PIEZO2: variants seen among roughly 807,000 people sequenced by gnomAD.
The protein encoded by PIEZO2 is piezo type mechanosensitive ion channel component 2.
PIEZO2 carries 172 observed loss-of-function variants against 337.3 expected under a neutral mutation model. The ratio of observed to expected loss-of-function variants is 0.51; its 90% confidence interval spans 0.45 to 0.58. The LOEUF is 0.58. Among genes scored for constraint, PIEZO2 ranks in the 20% least tolerant of loss-of-function variants. The pLI, the probability that PIEZO2 is intolerant of heterozygous loss-of-function variation, is 0.00. For synonymous variants in PIEZO2, 1,251 were observed against 1,228.5 expected (o/e 1.02, Z -0.38); for missense variants, 3,028 against 3,391.3 (o/e 0.89, Z 2.66).
At position 11,126,589 on chromosome 18, in the gene PIEZO2, T is replaced by G. The variant is rs2040190198; in HGVS notation, c.64+21936A>C. Among the ~76,000 whole-genome samples, 1 of 151,954 alleles carries G rather than the reference T, an allele frequency of 6.6e-6. No homozygotes were observed. Among genetic ancestry groups the G allele is most frequent in the African/African-American group, 2.4e-5 (1 of 41,352 alleles). On this transcript the variant is annotated intron_variant, in intron 1 of 55. Coordinates refer to ENST00000674853, the MANE Select transcript of PIEZO2 (RefSeq NM_001378183.1). This position sits in a 1 kb window ranked among gnomAD's most constrained non-coding sequence, Gnocchi z 4.6. ...AACTACAGAGAAGCTGAACTATCTATGGTTTAAAGAGGATCTCAAGAGCAG... is the reference window on the plus strand; with the variant it reads ...AACTACAGAGAAGCTGAACTATCTAGGGTTTAAAGAGGATCTCAAGAGCAG...
chr18:11,069,121 C>T lies in PIEZO2; in HGVS notation c.65-2899G>A, dbSNP rs993305881. 6.6e-6 allele frequency among the ~76,000 whole-genome samples: 1 copy of T among 151,932 alleles called. No individual in the cohort carries two copies. The highest frequency in any genetic ancestry group is 2.4e-5 in the African/African-American group (1 of 41,240). ...CATTTAAGGAGAAATAATATCAATT[C>T]TTCTCAAATTCTTCCAAGAAAATTA... On this transcript the variant is annotated intron_variant, in intron 1 of 55. Transcript: ENST00000674853. The surrounding 1 kb of genome is among the most constrained non-coding windows in gnomAD (Gnocchi z 4.9).
intron 3 of PIEZO2, among the ~76,000 whole-genome samples, chr18:10,925,920 G>A (rs1450049116): frequency 2.0e-5 from 3 of 152,108 alleles, no homozygotes; most frequent in Non-Finnish European, 2.9e-5. Flanking sequence ...CAAAAGTGAC[G>A]GATGAACTGT....
intron 8 of PIEZO2, 81 bp from the exon 9 acceptor site, chr18:10,804,075 T>G: frequency 2.7e-6 from 4 of 1,472,336 alleles, no homozygotes; most frequent in Non-Finnish European, 3.6e-6. Flanking sequence ...GAGCTTTTCA[T>G]TTTGGCTCAG....
At chr18:10,704,343 C>A in intron 42 of PIEZO2, 51 bp downstream of exon 42, 1 of 1,523,792 alleles carries the variant, frequency 6.6e-7, no homozygotes, top group South Asian at 1.2e-5. Context: ...GGTATGCTTC[C>A]CCTTGCATAG....
chr18:10,852,351 G>GGT (rs950397883), intron 7 of PIEZO2, among the ~76,000 whole-genome samples: 9 of 150,788 alleles, frequency 6.0e-5, no homozygotes, highest in East Asian at 1.9e-4. Flanking sequence ...TGTGTGGATG[G>GGT]GTGTGTGTGT....
intron 2 of PIEZO2, among the ~76,000 whole-genome samples, chr18:10,995,160 T>C (rs900206516): frequency 1.3e-5 from 2 of 152,008 alleles, no homozygotes; most frequent in African/African-American, 4.8e-5. Flanking sequence ...TTTTTGACTA[T>C]GGCCATTCTT....
At chr18:10,812,084 T>C (rs574312248) in intron 7 of PIEZO2, among the ~76,000 whole-genome samples, 24 of 152,202 alleles carry the variant, frequency 1.6e-4, no homozygotes, top group South Asian at 2.1e-4. Flanking sequence ...CTGCCCGCCT[T>C]GGCTTCCCAA....
rs2038620332 is a variant in PIEZO2, at chr18:11,078,171, C to A, written c.65-11949G>T. On this transcript the variant is annotated intron_variant, in intron 1 of 55. Transcript: ENST00000674853. The surrounding 1 kb of genome is among the most constrained non-coding windows in gnomAD (Gnocchi z 5.3). The stretch of plus-strand genomic sequence containing the variant: ...ACCACACACACACATACACACACCA[C>A]ACACACATACACACACACACTTGTA... Among the ~76,000 whole-genome samples, 1 of 151,912 alleles carries A rather than the reference C, an allele frequency of 6.6e-6. No homozygotes were observed. The highest frequency in any genetic ancestry group is 2.4e-5 in the African/African-American group (1 of 41,334).
intron 7 of PIEZO2, among the ~76,000 whole-genome samples, chr18:10,843,917 T>C (rs2041270147): frequency 6.6e-6 from 1 of 152,218 alleles, no homozygotes. Flanking sequence ...AACCTCTATG[T>C]GACAAAGTGC....
chr18:10,880,436 C>T (rs2042380522), intron 4 of PIEZO2, among the ~76,000 whole-genome samples: 1 of 152,062 alleles, frequency 6.6e-6, no homozygotes, highest in Admixed American at 6.5e-5. Context: ...CAAAATAAGG[C>T]AGCAATGAAA....
Position 11,110,913 on chromosome 18 carries a change from G to T in PIEZO2, c.64+37612C>A, listed in dbSNP as rs1005354471. Among the ~76,000 whole-genome samples the T allele has an allele frequency of 6.6e-6, 1 of 152,216 alleles. No homozygotes were observed. Among genetic ancestry groups the T allele is most frequent in the Non-Finnish European group, 1.5e-5 (1 of 68,036 alleles). On this transcript the variant is annotated intron_variant, in intron 1 of 55. Transcript: ENST00000674853. The surrounding 1 kb of genome is among the most constrained non-coding windows in gnomAD (Gnocchi z 4.2). The stretch of plus-strand genomic sequence containing the variant: ...GAGGTCTGCTCCACACACGAGGTGA[G>T]GCCAGGATGCTGTGCCCCGCAAGCT...
intron 1 of PIEZO2, among the ~76,000 whole-genome samples, chr18:11,073,072 T>C (rs1166583993): frequency 1.3e-5 from 2 of 152,234 alleles, no homozygotes; most frequent in African/African-American, 4.8e-5. Context: ...TTAAGGAAGA[T>C]TTCCTATGAT....
Position 10,748,715 on chromosome 18 carries a change from G to T in PIEZO2, c.4265-85C>A, listed in dbSNP as rs534972756. 2.4e-6 allele frequency: 3 copies of T among 1,225,704 alleles called. No individual in the cohort carries two copies. In the East Asian group the frequency reaches 8.1e-5, roughly 33 times the overall value. 75.9% of individuals were successfully genotyped at this position (1,225,704 alleles called of 1,614,324 possible). On this transcript the variant is annotated intron_variant, in intron 29 of 55. Transcript: ENST00000674853. The surrounding 1 kb of genome is among the most constrained non-coding windows in gnomAD (Gnocchi z 5.1). Reference sequence around the variant, plus strand: ...TAAAATCTGAGGTATGGTCAGGCTTGGGAAATATAGGCATAAAAGCAGCAT... The same window carrying T: ...TAAAATCTGAGGTATGGTCAGGCTTTGGAAATATAGGCATAAAAGCAGCAT...
chr18:10,931,417 T>C (rs959706306), intron 3 of PIEZO2, among the ~76,000 whole-genome samples: 1 of 152,092 alleles, frequency 6.6e-6, no homozygotes, highest in African/African-American at 2.4e-5. Context: ...GCCAGGGTGG[T>C]CTCGATCTCC....
intron 1 of PIEZO2, among the ~76,000 whole-genome samples, chr18:11,074,679 T>G (rs1184176655): frequency 6.6e-6 from 1 of 152,220 alleles, no homozygotes; most frequent in Non-Finnish European, 1.5e-5. Context: ...AATGATCGAT[T>G]TGACTTTGAC....
In PIEZO2 at chr18:10,815,286, T is replaced by A. The variant is rs1200433788; in HGVS notation, c.918-8012A>T. Among the ~76,000 whole-genome samples the A allele has an allele frequency of 6.6e-6, 1 of 152,164 alleles. No homozygotes were observed. Among genetic ancestry groups the A allele is most frequent in the Non-Finnish European group, 1.5e-5 (1 of 68,034 alleles). On this transcript the variant is annotated intron_variant, in intron 7 of 55. Transcript: ENST00000674853. This position sits in a 1 kb window ranked among gnomAD's most constrained non-coding sequence, Gnocchi z 4.1. ...TCAGGATAAACTTAAAATCAGAGGC[T>A]ATAGGGCTAAAAGAAAAGAATGGTG...
rs1417732479 is a variant in PIEZO2, at chr18:10,943,497, C to T, written c.287-32269G>A. ...TCAGACTTGCATGGGGCCTGTAGCA[C>T]CTTAGTTTTGGCCAATTTCTGCCAT... On this transcript the variant is annotated intron_variant, in intron 3 of 55. Coordinates refer to ENST00000674853, the MANE Select transcript of PIEZO2 (RefSeq NM_001378183.1). This position sits in a 1 kb window ranked among gnomAD's most constrained non-coding sequence, Gnocchi z 4.5. Among the ~76,000 whole-genome samples the T allele has an allele frequency of 6.6e-6, 1 of 152,156 alleles. No individual in the cohort carries two copies. Among genetic ancestry groups the T allele is most frequent in the African/African-American group, 2.4e-5 (1 of 41,442 alleles).
intron 1 of PIEZO2, among the ~76,000 whole-genome samples, chr18:11,119,066 C>T (rs1341777190): frequency 6.6e-6 from 1 of 151,696 alleles, no homozygotes; most frequent in Admixed American, 6.6e-5. Flanking sequence ...TCTACATCTT[C>T]ACTAATTTGT....
chr18:10,720,305 C>CTGTG (rs533532890), intron 36 of PIEZO2, among the ~76,000 whole-genome samples: 1 of 114,926 alleles, frequency 8.7e-6, no homozygotes, highest in Non-Finnish European at 1.6e-5. Context: ...TTCTCTCTCT[C>CTGTG]TGTGTGTATA....
Sources: gnomAD v4.1 joint callset for allele counts (sites outside exome capture counted in the v4.1 genomes callset) on GRCh38, gnomAD v4.1.1 for gene constraint, Gnocchi (gnomAD v3.1) non-coding constraint, MANE v1.5 for transcripts, NCBI Gene and HGNC (gene_info 2026-07-23, HGNC 2026-07-21) for gene names.